Variants in MECOM observed in about 807,000 individuals in gnomAD.
The protein encoded by MECOM is histone-lysine N-methyltransferase MECOM.
Under a neutral mutation model 116.3 loss-of-function variants are expected in MECOM, and 13 were observed. The observed-to-expected ratio is 0.11, with a 90% confidence interval of 0.07 to 0.18. The LOEUF (loss-of-function observed/expected upper bound fraction) is 0.18, where lower values mean the gene tolerates loss of function less well. Among genes scored for constraint, MECOM ranks in the 10% least tolerant of loss-of-function variants. The pLI is 1.00. For missense variants in MECOM, 1,299 were observed against 1,509.0 expected (o/e 0.86, Z 2.31); for synonymous variants, 528 against 535.2 (o/e 0.99, Z 0.19).
rs374862416 is a variant in MECOM, at chr3:169,360,357, A to T, written c.375+20830T>A. Among the ~76,000 whole-genome samples, 37 of 147,768 alleles carry T rather than the reference A, an allele frequency of 2.5e-4. No individual in the cohort carries two copies. In the South Asian group the frequency reaches 7.7e-3, roughly 31 times the overall value. On this transcript the variant is annotated intron_variant, in intron 2 of 16. Coordinates refer to ENST00000651503, the MANE Select transcript of MECOM (RefSeq NM_004991.4). ...GAAAAAAAAAAAGAAAAAAGCTCCT[A>T]CAATTTTTGACATTTCTTATGGTTC...
intron 1 of MECOM, among the ~76,000 whole-genome samples, chr3:169,529,820 C>T (rs1758381628): frequency 6.6e-6 from 1 of 152,196 alleles, no homozygotes. Context: ...TGGGACTGGG[C>T]CTGCCTTCTC....
At chr3:169,288,552 C>T (rs756894981) in intron 2 of MECOM, among the ~76,000 whole-genome samples, 7 of 152,250 alleles carry the variant, frequency 4.6e-5, no homozygotes, top group East Asian at 3.9e-4. Flanking sequence ...TGAACCAAAA[C>T]GAGCAGCAGA....
chr3:169,542,063 GC>G (rs1760131122), intron 1 of MECOM, among the ~76,000 whole-genome samples: 1 of 152,070 alleles, frequency 6.6e-6, no homozygotes, highest in Non-Finnish European at 1.5e-5. Context: ...GCTATAGATG[GC>G]CACAGAATAT....
intron 1 of MECOM, among the ~76,000 whole-genome samples, chr3:169,396,931 GCAC>G: frequency 6.6e-6 from 1 of 152,038 alleles, no homozygotes; most frequent in African/African-American, 2.4e-5. Flanking sequence ...AGAGATCAAG[GCAC>G]TGCACTCCAG....
chr3:169,482,958 A>T (rs1751557874), intron 1 of MECOM, among the ~76,000 whole-genome samples: 1 of 152,214 alleles, frequency 6.6e-6, no homozygotes, highest in South Asian at 2.1e-4. Context: ...GAGTATCAAG[A>T]TTAATTGTTC....
chr3:169,325,058 TC>T (rs1721614966), intron 2 of MECOM, among the ~76,000 whole-genome samples: 1 of 152,128 alleles, frequency 6.6e-6, no homozygotes, highest in African/African-American at 2.4e-5. Context: ...GATCTTGAAG[TC>T]TAACCTACCA....
At chr3:169,615,561 T>TCA (rs1233727972) in intron 1 of MECOM, among the ~76,000 whole-genome samples, 2 of 152,180 alleles carry the variant, frequency 1.3e-5, no homozygotes, top group African/African-American at 2.4e-5. Context: ...AGATTACTCC[T>TCA]CACACACACA....
chr3:169,170,829 T>G (rs56033477), intron 2 of MECOM, among the ~76,000 whole-genome samples: 10,667 of 152,218 alleles, frequency 0.07, 468 homozygotes, highest in South Asian at 0.19. Flanking sequence ...AACTTATTGA[T>G]GGTTTTGAGG....
intron 2 of MECOM, among the ~76,000 whole-genome samples, chr3:169,198,196 C>T (rs569882042): frequency 6.6e-6 from 1 of 151,966 alleles, no homozygotes; most frequent in African/African-American, 2.4e-5. Flanking sequence ...CAGTTCATAA[C>T]AACAGATAGA....
intron 1 of MECOM, among the ~76,000 whole-genome samples, chr3:169,567,415 G>A (rs568837532): frequency 1.1e-4 from 16 of 152,278 alleles, no homozygotes; most frequent in Admixed American, 9.8e-4. Flanking sequence ...TAATTCAAAG[G>A]TCATGCATGA....
chr3:169,185,634 G>A (rs368618230), intron 2 of MECOM, among the ~76,000 whole-genome samples: 6 of 152,174 alleles, frequency 3.9e-5, no homozygotes, highest in African/African-American at 1.4e-4. Context: ...CTTTTCTACG[G>A]TTCACAATAA....
chr3:169,480,570 T>A (rs185724653), intron 1 of MECOM, among the ~76,000 whole-genome samples: 1 of 152,204 alleles, frequency 6.6e-6, no homozygotes, highest in Non-Finnish European at 1.5e-5. Context: ...AGTTGGCCTT[T>A]TATATCACCA....
At chr3:169,474,864 T>A (rs1375021703) in intron 1 of MECOM, among the ~76,000 whole-genome samples, 5 of 152,240 alleles carry the variant, frequency 3.3e-5, no homozygotes, top group Admixed American at 6.5e-5. Flanking sequence ...TCAATCTATA[T>A]TGATATCTGT....
intron 1 of MECOM, among the ~76,000 whole-genome samples, chr3:169,602,847 A>C (rs935008451): frequency 8.5e-5 from 13 of 152,180 alleles, no homozygotes; most frequent in Non-Finnish European, 1.8e-4. Context: ...TTACAAAAAA[A>C]CTATGTTCTG....
intron 1 of MECOM, among the ~76,000 whole-genome samples, chr3:169,592,519 C>T (rs937465434): frequency 6.6e-6 from 1 of 152,208 alleles, no homozygotes; most frequent in Non-Finnish European, 1.5e-5. Context: ...CCACCGCCCT[C>T]TCCTCTCTAG....
intron 1 of MECOM, among the ~76,000 whole-genome samples, chr3:169,579,020 A>G (rs35231290): frequency 1.3e-5 from 2 of 152,222 alleles, no homozygotes; most frequent in Non-Finnish European, 2.9e-5. Context: ...ACAACATTGT[A>G]TGTTAATAAC....
intron 1 of MECOM, among the ~76,000 whole-genome samples, chr3:169,481,340 G>A (rs367678747): frequency 3.3e-5 from 5 of 152,136 alleles, no homozygotes; most frequent in Non-Finnish European, 7.4e-5. Context: ...ATCAATTGAG[G>A]TCAGGAATTC....
rs139452361 is a variant in MECOM at position 169,287,054 on chromosome 3, G to T, written c.375+94133C>A. Among the ~76,000 whole-genome samples the T allele has an allele frequency of 8.3e-4, 127 of 152,196 alleles. 1 individual carries two copies. In the Middle Eastern group the frequency reaches 0.02, roughly 24 times the overall value. On this transcript the variant is annotated intron_variant, in intron 2 of 16. Transcript: ENST00000651503. ...GATACTGAATGCCAAACCCCAGCTC[G>T]GCAGCTGGAGTCCTATTTCCTGGGC... is the stretch of plus-strand genomic sequence containing the variant.
At chr3:169,473,741 C>T (rs1749917375) in intron 1 of MECOM, among the ~76,000 whole-genome samples, 2 of 151,988 alleles carry the variant, frequency 1.3e-5, no homozygotes, top group Admixed American at 6.6e-5. Context: ...TGCACTCCAG[C>T]CTGGTGACAG....
Sources: gnomAD v4.1 joint callset for allele counts (sites outside exome capture counted in the v4.1 genomes callset) on GRCh38, gnomAD v4.1.1 for gene constraint, MANE v1.5 for transcripts, NCBI Gene and HGNC (gene_info 2026-07-23, HGNC 2026-07-21) for gene names.